UBIAD1: variants seen among roughly 807,000 people sequenced by gnomAD.
The protein encoded by UBIAD1 is ubiA prenyltransferase domain-containing protein 1.
In UBIAD1, 12 loss-of-function variants were observed where a neutral mutation model predicts 20.1. The ratio of observed to expected loss-of-function variants is 0.60; its 90% confidence interval spans 0.38 to 0.97. The LOEUF is 0.97. UBIAD1 is among the 50% of genes least tolerant of loss of function. The probability of loss-of-function intolerance (pLI) is 0.00; values close to 1 mark genes in which losing one functional copy is unlikely to be tolerated. For synonymous variants in UBIAD1, 207 were observed against 189.2 expected, an observed-to-expected ratio of 1.09 and a Z score of -0.77; for missense variants, 333 against 419.5, an observed-to-expected ratio of 0.79 and a Z score of 1.80.
rs746893817 is a variant in UBIAD1 at position 11,285,882 on chromosome 1, C to T, written c.768C>T (p.Phe256=). The change falls in exon 2 of 2, where the codon TTC becomes TTT. Residue 256 remains phenylalanine, a synonymous_variant. Coordinates refer to ENST00000376810, the MANE Select transcript of UBIAD1 (RefSeq NM_013319.3). This position sits in a 1 kb window ranked among gnomAD's most constrained non-coding sequence, Gnocchi z 4.4. The part of the protein sequence containing the change: ...VTLAILIGPT[F]SYILYNTLLF... ...TGGCCATCCTCATCGGCCCCACGTT[C>T]TCCTACATTCTCTACAACACACTGC... 5 of 1,614,122 alleles carry T rather than the reference C, an allele frequency of 3.1e-6. No homozygotes were observed. Among genetic ancestry groups the T allele is most frequent in the Non-Finnish European group, 4.2e-6 (5 of 1,180,054 alleles).
Position 11,273,396 on chromosome 1 carries a change from C to A in UBIAD1, c.-136C>A. 8.8e-7 allele frequency: 1 copy of A among 1,137,078 alleles called. No homozygotes were observed. The highest frequency in any genetic ancestry group is 1.3e-6 in the Non-Finnish European group (1 of 791,660). The allele number at this position is 1,137,078 out of a possible 1,614,324, so 70.4% of individuals were successfully genotyped here. On this transcript the variant is annotated 5_prime_UTR_variant, in exon 1 of 2. Transcript: ENST00000376810. This position sits in a 1 kb window ranked among gnomAD's most constrained non-coding sequence, Gnocchi z 4.9. ...CACTTGCTGTTGCCCCCGGACCTTG[C>A]CGCCACACCAGCCCTGTCCTGGGGC...
chr1:11,287,475 G>C lies in UBIAD1; in HGVS notation c.*1344G>C, dbSNP rs190417027. The stretch of plus-strand genomic sequence containing the variant: ...TATAGATTGGAAATGGGTCATCATT[G>C]TTTTCTGTTGTGATTATAGCCATTC... On this transcript the variant is annotated 3_prime_UTR_variant, in exon 2 of 2. Transcript: ENST00000376810. 5 of 152,158 alleles carry C rather than the reference G, an allele frequency of 3.3e-5. No homozygotes were observed. The highest frequency in any genetic ancestry group is 1.5e-5 in the Non-Finnish European group (1 of 68,028). The allele number at this position is 152,158 out of a possible 1,614,324, so 9.4% of individuals were successfully genotyped here. A position where few individuals can be genotyped will look rare whatever the true frequency, so the allele number is the denominator to read the frequency against.
At chr1:11,289,757 A>G (rs1458810247), downstream of UBIAD1, among the ~76,000 whole-genome samples, 3 of 151,690 alleles carry the variant, frequency 2.0e-5, no homozygotes, top group African/African-American at 7.3e-5. Context: ...TTTTATATAT[A>G]TCTCACTCTG....
chr1:11,277,238 T>C (rs1275597448), intron 1 of UBIAD1, among the ~76,000 whole-genome samples: 1 of 147,354 alleles, frequency 6.8e-6, no homozygotes, highest in African/African-American at 2.5e-5. Context: ...CTCAAAAAAA[T>C]AAAAAAAATT....
intron 1 of UBIAD1, among the ~76,000 whole-genome samples, chr1:11,281,065 G>A (rs1204243616): frequency 6.6e-6 from 1 of 151,322 alleles, no homozygotes; most frequent in Non-Finnish European, 1.5e-5. Flanking sequence ...GCCCTTTCTA[G>A]TCCAGGAGCA....
chr1:11,277,066 A>G (rs1652059820), intron 1 of UBIAD1, among the ~76,000 whole-genome samples: 2 of 151,704 alleles, frequency 1.3e-5, no homozygotes, highest in Non-Finnish European at 1.5e-5. Flanking sequence ...GTGAAACCCC[A>G]TCTCTACTAA....
In UBIAD1 at chr1:11,273,710, CCTCA is replaced by C; in HGVS notation, c.185_188del (p.Leu62HisfsTer93). On this transcript the variant is annotated frameshift_variant, in exon 1 of 2. Transcript: ENST00000376810. LOFTEE classifies it high-confidence loss of function. The surrounding 1 kb of genome is among the most constrained non-coding windows in gnomAD (Gnocchi z 4.9). The stretch of plus-strand genomic sequence containing the variant: ...GCCCTGAGGCCCTGGAGCTTCAGTG[CCTCA>C]CTCACACCGGTGGCCCTGGGCAGTG... The C allele has an allele frequency of 6.2e-7, 1 of 1,614,140 alleles. No individual in the cohort carries two copies. Among genetic ancestry groups the C allele is most frequent in the South Asian group, 1.1e-5 (1 of 91,078 alleles).
intron 1 of UBIAD1, among the ~76,000 whole-genome samples, chr1:11,280,993 T>TC (rs1652223203): frequency 2.0e-5 from 3 of 150,742 alleles, no homozygotes; most frequent in South Asian, 4.2e-4. Flanking sequence ...CCTTTTGCCC[T>TC]CCCCCCAGTT....
chr1:11,288,891 G>A (rs749872541), downstream of UBIAD1, among the ~76,000 whole-genome samples: 26 of 151,656 alleles, frequency 1.7e-4, no homozygotes, highest in Middle Eastern at 3.4e-3. Flanking sequence ...CCGCCTGGGC[G>A]ACAGAGCGAG....
At chr1:11,296,612 TGGGCTCAGG>T (rs1638452683), downstream of UBIAD1, among the ~76,000 whole-genome samples, 1 of 152,128 alleles carries the variant, frequency 6.6e-6, no homozygotes, top group Non-Finnish European at 1.5e-5. Context: ...TCAACCTCCC[TGGGCTCAGG>T]TGATCTTCCC....
At position 11,273,453 on chromosome 1, in the gene UBIAD1, C is replaced by A. The variant is rs572943619; in HGVS notation, c.-79C>A. ...GAAGGAAGGTCGGGCCCTGCTGCCCCGCCCCGTCCTTCCTCCTTCCCGGGC... is the reference window on the plus strand; with the variant it reads ...GAAGGAAGGTCGGGCCCTGCTGCCCAGCCCCGTCCTTCCTCCTTCCCGGGC... On this transcript the variant is annotated 5_prime_UTR_variant, in exon 1 of 2. Coordinates refer to ENST00000376810, the MANE Select transcript of UBIAD1 (RefSeq NM_013319.3). This position sits in a 1 kb window ranked among gnomAD's most constrained non-coding sequence, Gnocchi z 4.9. 31 of 1,575,532 alleles carry A rather than the reference C, an allele frequency of 2.0e-5. No individual in the cohort carries two copies. Among genetic ancestry groups the A allele is most frequent in the African/African-American group, 2.7e-5 (2 of 74,380 alleles).
chr1:11,274,618 T>A (rs184404875), intron 1 of UBIAD1, among the ~76,000 whole-genome samples: 264 of 144,628 alleles, frequency 1.8e-3, no homozygotes, highest in South Asian at 0.011. Context: ...TAATTTTTTT[T>A]ATTTTTTTTG....
At chr1:11,290,897 A>C (rs1638356596), downstream of UBIAD1, among the ~76,000 whole-genome samples, 2 of 152,290 alleles carry the variant, frequency 1.3e-5, no homozygotes, top group African/African-American at 4.8e-5. Flanking sequence ...CAGGAAGCGG[A>C]GGTTGCAGTG....
chr1:11,280,704 C>G (rs551345437), intron 1 of UBIAD1, among the ~76,000 whole-genome samples: 2 of 152,326 alleles, frequency 1.3e-5, no homozygotes, highest in East Asian at 3.9e-4. Flanking sequence ...TCTGTTGACT[C>G]TCCTTTCAAA....
intron 1 of UBIAD1, among the ~76,000 whole-genome samples, chr1:11,284,542 G>A (rs1377593781): frequency 6.6e-6 from 1 of 152,172 alleles, no homozygotes; most frequent in African/African-American, 2.4e-5. Context: ...TTGGCTTACT[G>A]CAACCTCTGC....
chr1:11,289,330 G>A (rs1638323913), downstream of UBIAD1, among the ~76,000 whole-genome samples: 1 of 152,184 alleles, frequency 6.6e-6, no homozygotes, highest in African/African-American at 2.4e-5. Context: ...AAGGTTTCAT[G>A]AACCTTGGAG....
In UBIAD1 at chr1:11,288,332, C is replaced by A. The variant is rs897434247; in HGVS notation, c.*2201C>A. The A allele has an allele frequency of 3.3e-5, 5 of 152,162 alleles. No individual in the cohort carries two copies. The highest frequency in any genetic ancestry group is 5.9e-5 in the Non-Finnish European group (4 of 68,032). 9.4% of individuals were successfully genotyped at this position (152,162 alleles called of 1,614,324 possible). A position where few individuals can be genotyped will look rare whatever the true frequency, so the allele number is the denominator to read the frequency against. On this transcript the variant is annotated 3_prime_UTR_variant, in exon 2 of 2. Transcript: ENST00000376810. ...ATGTTCCCAAAGGCCAAATTTGTTG[C>A]CAGGTTTTATACGCAGGTCACCATA... is the stretch of plus-strand genomic sequence containing the variant.
At chr1:11,275,210 A>G (rs181517000) in intron 1 of UBIAD1, among the ~76,000 whole-genome samples, 10 of 152,324 alleles carry the variant, frequency 6.6e-5, no homozygotes, top group Admixed American at 1.3e-4. Context: ...GTAAAAATAG[A>G]AAATTATAGT....
chr1:11,279,373 T>A (rs1304529411), intron 1 of UBIAD1: 2 of 174,966 alleles, frequency 1.1e-5, no homozygotes, highest in African/African-American at 4.7e-5. Context: ...AGGCTGGGGA[T>A]AGAACAAGTT....
Sources: allele counts gnomAD v4.1 joint callset (sites outside exome capture counted in the v4.1 genomes callset), GRCh38; gene constraint gnomAD v4.1.1; non-coding constraint Gnocchi (gnomAD v3.1); transcripts MANE v1.5; gene names NCBI Gene and HGNC (gene_info 2026-07-23, HGNC 2026-07-21).